Variants in APPL2 observed in about 807,000 individuals in gnomAD.
APPL2 encodes the protein adaptor protein, phosphotyrosine interacting with PH domain and leucine zipper 2, also known as DCC-interacting protein 13-beta.
APPL2 carries 84 observed loss-of-function variants against 92.7 expected under a neutral mutation model. That is an observed-to-expected ratio of 0.91 (90% CI 0.76 to 1.09). The LOEUF (loss-of-function observed/expected upper bound fraction) is 1.09. Ranked by LOEUF, APPL2 falls within the 50% of genes least tolerant of loss-of-function variation. APPL2 has a pLI of 0.00. For synonymous variants in APPL2, 291 were observed against 291.0 expected, an observed-to-expected ratio of 1.00 and a Z score of 0.00; for missense variants, 736 against 824.5, an observed-to-expected ratio of 0.89 and a Z score of 1.31.
chr12:105,235,785 C>G (rs1592850363), intron 1 of APPL2, among the ~76,000 whole-genome samples, 174 bp downstream of exon 1: 1 of 152,056 alleles, frequency 6.6e-6, no homozygotes, highest in East Asian at 1.9e-4. Context: ...GCTCAGGACT[C>G]AGGGCCCGGC....
chr12:105,189,480 A>G (rs117788799), intron 16 of APPL2, among the ~76,000 whole-genome samples: 2,441 of 152,312 alleles, frequency 0.016, 25 homozygotes, highest in Middle Eastern at 0.044. Context: ...TTTCCAGTTC[A>G]CCAAGACTGC....
In APPL2 at chr12:105,199,548, T is replaced by G. The variant is rs1887964937; in HGVS notation, c.705-17A>C. On this transcript the variant is annotated splice_polypyrimidine_tract_variant and intron_variant, in intron 9 of 20. Coordinates refer to ENST00000258530, the MANE Select transcript of APPL2 (RefSeq NM_018171.5). ...ACCTGAATGCTTAAGACAGAAGGTG[T>G]TGGGTCAGTTACTCACTGCTGGCCA... 1.2e-6 allele frequency: 2 copies of G among 1,610,920 alleles called. No homozygotes were observed. The highest frequency in any genetic ancestry group is 1.7e-6 in the Non-Finnish European group (2 of 1,178,356).
chr12:105,176,067 T>G lies in APPL2; in HGVS notation c.1828A>C (p.Asn610His). ...SEGEKICYAINLGKEIIEVQK... is the reference protein window; with the variant it reads ...SEGEKICYAIHLGKEIIEVQK... ...ACCTCAATAATTTCTTTTCCCAAAT[T>G]AATAGCATAACATATCTGCAAAAGA... Residue 610 changes from asparagine (N) to histidine (H), a missense_variant, in exon 20 of 21, where the codon AAT (asparagine) becomes CAT (histidine). Transcript: ENST00000258530. 2 of 1,591,720 alleles carry G rather than the reference T, an allele frequency of 1.3e-6. No homozygotes were observed. The highest frequency in any genetic ancestry group is 1.2e-5 in the South Asian group (1 of 85,858).
Position 105,189,996 on chromosome 12 carries a change from C to A in APPL2, c.1401G>T (p.Gly467=). The change falls in exon 15 of 21, where the codon GGG becomes GGT. Residue 467 remains glycine, a synonymous_variant. Transcript: ENST00000258530. ...PATEFLDQNR[G]SRRTNPFGET... is the part of the protein sequence containing the mutation. The stretch of plus-strand genomic sequence containing the variant: ...TAACCTCTCTCAGCCCATACCTGCT[C>A]CCTCTGTTCTGATCAAGGAATTCTG... 1 of 1,614,060 alleles carries A rather than the reference C, an allele frequency of 6.2e-7. No homozygotes were observed. Among genetic ancestry groups the A allele is most frequent in the Non-Finnish European group, 8.5e-7 (1 of 1,179,992 alleles).
chr12:105,186,092 T>A (rs1256717158), intron 17 of APPL2, among the ~76,000 whole-genome samples: 1 of 152,236 alleles, frequency 6.6e-6, no homozygotes, highest in Non-Finnish European at 1.5e-5. Context: ...ATCCATGTTG[T>A]AGCACTTATC....
At chr12:105,234,909 T>A (rs773177159) in intron 1 of APPL2, among the ~76,000 whole-genome samples, 1 of 148,886 alleles carries the variant, frequency 6.7e-6, no homozygotes, top group Non-Finnish European at 1.5e-5. Flanking sequence ...ACTAGGAGGA[T>A]CACAAAAAAT....
At chr12:105,203,037 A>G (rs1400025616) in intron 9 of APPL2, among the ~76,000 whole-genome samples, 1 of 37,176 alleles carries the variant, frequency 2.7e-5, no homozygotes, top group South Asian at 1.7e-3. Context: ...ACACACACAC[A>G]CACACACACA....
intron 14 of APPL2, among the ~76,000 whole-genome samples, chr12:105,193,181 C>T (rs1887370296): frequency 6.6e-6 from 1 of 152,218 alleles, no homozygotes; most frequent in South Asian, 2.1e-4. Flanking sequence ...AAGAATGTGA[C>T]TTGCTTATTC....
At chr12:105,220,498 G>C (rs1434353214) in intron 2 of APPL2, among the ~76,000 whole-genome samples, 1 of 152,148 alleles carries the variant, frequency 6.6e-6, no homozygotes, top group African/African-American at 2.4e-5. Context: ...TCTGCAGGAG[G>C]CTCTCTTAAG....
chr12:105,173,387 C>T lies in APPL2; in HGVS notation c.*927G>A, dbSNP rs1042970010. On this transcript the variant is annotated 3_prime_UTR_variant, in exon 21 of 21. Transcript: ENST00000258530. The stretch of plus-strand genomic sequence containing the variant: ...TTAGTTACAGTTAAACACACTGTAC[C>T]GATTCAAAATCATTATACTAGTTTG... The T allele has an allele frequency of 2.6e-5, 4 of 152,468 alleles. No individual in the cohort carries two copies. The highest frequency in any genetic ancestry group is 6.6e-5 in the Admixed American group (1 of 15,266). The allele number at this position is 152,468 out of a possible 1,614,324, so 9.4% of individuals were successfully genotyped here. A position where few individuals can be genotyped will look rare whatever the true frequency, so the allele number is the denominator to read the frequency against.
rs1374382791 is a variant in APPL2, at chr12:105,185,204, T to C, written c.1634+3069A>G. ...CTCAGTGTGTTGGGCTCCGTGGTGA[T>C]GGGATCCACTGAGCAAGACCACTTG... is the stretch of plus-strand genomic sequence containing the variant. On this transcript the variant is annotated intron_variant, in intron 17 of 20. Coordinates refer to ENST00000258530, the MANE Select transcript of APPL2 (RefSeq NM_018171.5). Among the ~76,000 whole-genome samples, 3 of 152,218 alleles carry C rather than the reference T, an allele frequency of 2.0e-5. No homozygotes were observed. In the East Asian group the frequency reaches 5.8e-4, roughly 29 times the overall value.
rs373514834 is a variant in APPL2 at position 105,181,128 on chromosome 12, T to C, written c.1635-3866A>G. On this transcript the variant is annotated intron_variant, in intron 17 of 20. Coordinates refer to ENST00000258530, the MANE Select transcript of APPL2 (RefSeq NM_018171.5). ...ATAAATAGCTCATTATTTTGAGATA[T>C]GTTCCATCAATACCTAGTTTATTGA... Among the ~76,000 whole-genome samples, 595 of 152,310 alleles carry C rather than the reference T, an allele frequency of 3.9e-3. 4 individuals are homozygous for C. Among genetic ancestry groups the C allele is most frequent in the African/African-American group, 0.014 (568 of 41,568 alleles).
chr12:105,186,703 T>TCATATATAC (rs1886743104), intron 17 of APPL2, among the ~76,000 whole-genome samples: 1 of 124,822 alleles, frequency 8.0e-6, no homozygotes, highest in East Asian at 2.0e-4. Context: ...ATATATCATA[T>TCATATATAC]CATATATCAT....
intron 16 of APPL2, 104 bp downstream of exon 16, chr12:105,189,668 T>C: frequency 1.6e-6 from 2 of 1,265,008 alleles, no homozygotes; most frequent in African/African-American, 1.5e-5. Flanking sequence ...TCTTAATTCA[T>C]ACTCCTAATC....
intron 2 of APPL2, among the ~76,000 whole-genome samples, chr12:105,219,077 T>C (rs776615567): frequency 6.6e-6 from 1 of 152,248 alleles, no homozygotes; most frequent in Non-Finnish European, 1.5e-5. Flanking sequence ...GGGTCTGACA[T>C]GGCACAGATG....
intron 17 of APPL2, among the ~76,000 whole-genome samples, chr12:105,186,215 T>C (rs1056581503): frequency 1.1e-4 from 17 of 152,166 alleles, no homozygotes; most frequent in African/African-American, 3.9e-4. Context: ...GATTTTAGAA[T>C]ACTTGCATTA....
At chr12:105,207,520 C>T (rs74355489) in intron 7 of APPL2, among the ~76,000 whole-genome samples, 2 of 152,212 alleles carry the variant, frequency 1.3e-5, no homozygotes, top group African/African-American at 4.8e-5. Context: ...TTCTAGTTCA[C>T]TCATAAGACT....
chr12:105,228,401 T>C (rs1890681840), intron 2 of APPL2, among the ~76,000 whole-genome samples: 1 of 152,218 alleles, frequency 6.6e-6, no homozygotes, highest in Admixed American at 6.5e-5. Context: ...GGATGCCCAA[T>C]CTATATTCCT....
intron 19 of APPL2, 31 bp from the exon 20 acceptor site, chr12:105,176,113 A>T (rs934660663): frequency 5.7e-6 from 9 of 1,568,702 alleles, no homozygotes; most frequent in African/African-American, 1.4e-5. Context: ...AGTGATTGGC[A>T]AAAGTAGAGA....
Sources: gnomAD v4.1 joint callset for allele counts (sites outside exome capture counted in the v4.1 genomes callset) on GRCh38, gnomAD v4.1.1 for gene constraint, MANE v1.5 for transcripts, NCBI Gene and HGNC (gene_info 2026-07-23, HGNC 2026-07-21) for gene names.